Variants in PLOD2 observed in about 807,000 individuals in gnomAD.
The protein encoded by PLOD2 is lysine hydroxylase 2.
Under a neutral mutation model 101.0 loss-of-function variants are expected in PLOD2, and 65 were observed. The ratio of observed to expected loss-of-function variants is 0.64; its 90% CI spans 0.53 to 0.79. PLOD2 has a LOEUF of 0.79. Among genes scored for constraint, PLOD2 ranks in the 30% least tolerant of loss-of-function variants. PLOD2 has a pLI of 0.00. For missense variants in PLOD2, 909 were observed against 914.6 expected (o/e 0.99, Z 0.08); for synonymous variants, 314 against 302.9 (o/e 1.04, Z -0.38).
At chr3:146,074,171 G>A (rs1033950416) in intron 15 of PLOD2, among the ~76,000 whole-genome samples, 3 of 151,246 alleles carry the variant, frequency 2.0e-5, no homozygotes, top group Non-Finnish European at 3.0e-5. Flanking sequence ...ATTTTATTGG[G>A]ACAAGTTCTT....
At chr3:146,142,878 T>G (rs141450739) in intron 1 of PLOD2, among the ~76,000 whole-genome samples, 2 of 152,266 alleles carry the variant, frequency 1.3e-5, no homozygotes, top group Admixed American at 1.3e-4. Flanking sequence ...CAAAGCTGAC[T>G]CAGGGACTCT....
chr3:146,147,925 C>T (rs2031862742), intron 1 of PLOD2, among the ~76,000 whole-genome samples: 1 of 152,118 alleles, frequency 6.6e-6, no homozygotes, highest in South Asian at 2.1e-4. Context: ...GGAAGGAAAA[C>T]CCAGGGTTTC....
chr3:146,096,002 TCA>T (rs1235830877), intron 7 of PLOD2, among the ~76,000 whole-genome samples: 2 of 143,668 alleles, frequency 1.4e-5, no homozygotes, highest in Non-Finnish European at 3.1e-5. Flanking sequence ...TTCTCCTGCC[TCA>T]GCCTGCCGAG....
At chr3:146,133,330 T>C (rs1183868134) in intron 1 of PLOD2, among the ~76,000 whole-genome samples, 1 of 152,078 alleles carries the variant, frequency 6.6e-6, no homozygotes, top group Non-Finnish European at 1.5e-5. Flanking sequence ...TTAAATAAAT[T>C]TACATTCTCA....
In PLOD2 at chr3:146,100,320, T is replaced by G. The variant is rs543788737; in HGVS notation, c.777+2435A>C. ...TTGAAAGCGTAGTATTCGCTACACA[T>G]GTGCTGGACCCTGGGGAAACAAAAG... is the stretch of plus-strand genomic sequence containing the variant. On this transcript the variant is annotated intron_variant, in intron 7 of 19. Coordinates refer to ENST00000282903, the MANE Select transcript of PLOD2 (RefSeq NM_182943.3). 1.6e-4 allele frequency among the ~76,000 whole-genome samples: 24 copies of G among 152,320 alleles called. No individual in the cohort carries two copies. The South Asian group carries it at 3.3e-3, about 21-fold the overall frequency.
At chr3:146,132,594 T>TC (rs1299597970) in intron 1 of PLOD2, among the ~76,000 whole-genome samples, 2 of 152,186 alleles carry the variant, frequency 1.3e-5, no homozygotes, top group African/African-American at 4.8e-5. Context: ...TAAGAACTTT[T>TC]TTTTTTAGGT....
At chr3:146,135,454 T>C (rs1490410299) in intron 1 of PLOD2, among the ~76,000 whole-genome samples, 1 of 152,196 alleles carries the variant, frequency 6.6e-6, no homozygotes, top group African/African-American at 2.4e-5. Context: ...TTCTCATCTT[T>C]ATGTAAGGAG....
intron 1 of PLOD2, among the ~76,000 whole-genome samples, chr3:146,154,184 A>G (rs1277250061): frequency 6.6e-6 from 1 of 152,200 alleles, no homozygotes; most frequent in Admixed American, 6.5e-5. Context: ...CATTTTAGCC[A>G]TATGTTCACC....
At chr3:146,141,353 T>C (rs1273311705) in intron 1 of PLOD2, among the ~76,000 whole-genome samples, 1 of 152,042 alleles carries the variant, frequency 6.6e-6, no homozygotes, top group Non-Finnish European at 1.5e-5. Context: ...ACAAAATGGA[T>C]CTAACACTAA....
chr3:146,121,065 A>T, intron 3 of PLOD2, 47 bp downstream of exon 3: 1 of 1,385,724 alleles, frequency 7.2e-7, no homozygotes, highest in Non-Finnish European at 1.0e-6. Context: ...AGCTCTTTAA[A>T]AAGTAATTGA....
At position 146,069,574 on chromosome 3, in the gene PLOD2, A is replaced by G. The variant is rs905852610; in HGVS notation, c.*1143T>C. 1.3e-5 allele frequency: 2 copies of G among 152,302 alleles called. No individual in the cohort carries two copies. Among genetic ancestry groups the G allele is most frequent in the Non-Finnish European group, 2.9e-5 (2 of 67,916 alleles). The allele number at this position is 152,302 out of a possible 1,614,324, so 9.4% of individuals were successfully genotyped here. A position where few individuals can be genotyped will look rare whatever the true frequency, so the allele number is the denominator to read the frequency against. ...CAGTAGCTACAATAAGGATATTTCAACCTTACTTAGAGAAGTGATAAAACA... is the reference window on the plus strand; with the variant it reads ...CAGTAGCTACAATAAGGATATTTCAGCCTTACTTAGAGAAGTGATAAAACA... On this transcript the variant is annotated 3_prime_UTR_variant, in exon 20 of 20. Coordinates refer to ENST00000282903, the MANE Select transcript of PLOD2 (RefSeq NM_182943.3).
At chr3:146,073,850 A>G (rs778853891) in intron 15 of PLOD2, among the ~76,000 whole-genome samples, 2 of 151,642 alleles carry the variant, frequency 1.3e-5, no homozygotes, top group Non-Finnish European at 3.0e-5. Context: ...AGTATTTGTA[A>G]AAATGAATTA....
intron 1 of PLOD2, among the ~76,000 whole-genome samples, chr3:146,134,415 C>A (rs147398632): frequency 2.8e-3 from 421 of 152,272 alleles, no homozygotes; most frequent in Non-Finnish European, 3.4e-3. Flanking sequence ...GAAAATGGAT[C>A]TGCCCCTTCA....
chr3:146,160,690 G>T, intron 1 of PLOD2, 191 bp downstream of exon 1: 1 of 558,896 alleles, frequency 1.8e-6, no homozygotes, highest in Non-Finnish European at 3.2e-6. Flanking sequence ...AACGAGGGCG[G>T]GTGCCCCTAC....
intron 5 of PLOD2, among the ~76,000 whole-genome samples, chr3:146,105,945 A>C (rs1388330061): frequency 6.6e-6 from 1 of 152,224 alleles, no homozygotes; most frequent in African/African-American, 2.4e-5. Flanking sequence ...TTCTGAGAAA[A>C]CAATTATAGC....
chr3:146,131,491 C>G (rs2030907548), intron 1 of PLOD2, among the ~76,000 whole-genome samples: 1 of 152,180 alleles, frequency 6.6e-6, no homozygotes, highest in Non-Finnish European at 1.5e-5. Context: ...ATAAAAATGA[C>G]TCCAAATGGA....
intron 7 of PLOD2, among the ~76,000 whole-genome samples, chr3:146,096,808 C>T (rs1263504437): frequency 5.6e-5 from 8 of 144,066 alleles, no homozygotes; most frequent in South Asian, 4.5e-4. Flanking sequence ...TGAGGGGCTC[C>T]TCTGCCCGGC....
intron 4 of PLOD2, among the ~76,000 whole-genome samples, chr3:146,107,621 AAT>A (rs1937558365): frequency 2.2e-5 from 3 of 134,422 alleles, no homozygotes; most frequent in Non-Finnish European, 3.1e-5. Flanking sequence ...TTGCCATATA[AAT>A]TTTTTTTTTT....
At chr3:146,124,337 G>A (rs1392663136) in intron 1 of PLOD2, 108 bp from the exon 2 acceptor site, 1 of 675,602 alleles carries the variant, frequency 1.5e-6, no homozygotes. Context: ...GGAATATTCT[G>A]GTTTACTTAT....
Sources: gnomAD v4.1 joint callset for allele counts (sites outside exome capture counted in the v4.1 genomes callset) on GRCh38, gnomAD v4.1.1 for gene constraint, MANE v1.5 for transcripts, NCBI Gene and HGNC (gene_info 2026-07-23, HGNC 2026-07-21) for gene names.